CTNND2: variants seen among roughly 807,000 people sequenced by gnomAD.
CTNND2 encodes catenin delta-2.
In CTNND2, 22 loss-of-function variants were observed where a neutral mutation model predicts 144.4. That is an observed-to-expected ratio of 0.15 (90% confidence interval 0.11 to 0.22). CTNND2 has a LOEUF of 0.22. Ranked by LOEUF, CTNND2 falls within the 10% of genes least tolerant of loss-of-function variation. The pLI is 1.00. For missense variants in CTNND2, 1,353 were observed against 1,618.8 expected (o/e 0.84, Z 2.82); for synonymous variants, 751 against 695.6 (o/e 1.08, Z -1.25).
At chr5:11,320,066 G>T (rs761808302) in intron 9 of CTNND2, among the ~76,000 whole-genome samples, 3 of 152,162 alleles carry the variant, frequency 2.0e-5, no homozygotes, top group African/African-American at 4.8e-5. Context: ...CAGCGGTTCT[G>T]ACCATTCTGC....
At chr5:11,204,790 C>T (rs926386609) in intron 10 of CTNND2, among the ~76,000 whole-genome samples, 3 of 151,976 alleles carry the variant, frequency 2.0e-5, no homozygotes. Context: ...CAATAGAATT[C>T]CTCTCGGGAG....
At chr5:11,030,754 G>GTTTTT (rs61312361) in intron 16 of CTNND2, among the ~76,000 whole-genome samples, 4 of 100,758 alleles carry the variant, frequency 4.0e-5, no homozygotes, top group East Asian at 3.4e-4. Flanking sequence ...TATGGTTTCT[G>GTTTTT]TTTTTTTTTT....
intron 3 of CTNND2, among the ~76,000 whole-genome samples, chr5:11,518,537 C>T (rs1265918886): frequency 6.6e-6 from 1 of 152,206 alleles, no homozygotes; most frequent in Admixed American, 6.5e-5. Flanking sequence ...CCTAGGCCTT[C>T]ACATTCACTC....
intron 1 of CTNND2, among the ~76,000 whole-genome samples, chr5:11,838,591 T>A (rs13361394): frequency 0.032 from 4,828 of 152,248 alleles, 256 homozygotes; most frequent in African/African-American, 0.11. Flanking sequence ...CTACTTAAAG[T>A]TCTACATTTT....
At chr5:11,008,959 T>C (rs961359016) in intron 18 of CTNND2, among the ~76,000 whole-genome samples, 6 of 152,240 alleles carry the variant, frequency 3.9e-5, no homozygotes, top group African/African-American at 1.4e-4. Context: ...GAACTGACCA[T>C]GGAGCCATGA....
intron 3 of CTNND2, among the ~76,000 whole-genome samples, chr5:11,543,065 G>A (rs753775840): frequency 6.6e-6 from 1 of 152,242 alleles, no homozygotes; most frequent in Non-Finnish European, 1.5e-5. Context: ...TGCAGGTTAA[G>A]TGGAATCAAC....
At position 11,397,056 on chromosome 5, in the gene CTNND2, C is replaced by G; in HGVS notation, c.587G>C (p.Arg196Pro). 1 of 1,613,726 alleles carries G rather than the reference C, an allele frequency of 6.2e-7. No individual in the cohort carries two copies. The highest frequency in any genetic ancestry group is 8.5e-7 in the Non-Finnish European group (1 of 1,179,998). Residue 196 changes from arginine to proline, a missense_variant, in exon 6 of 22, where the codon CGA becomes CCA. Arg to Pro is a moderately radical substitution (Grantham distance 103). Coordinates refer to ENST00000304623, the MANE Select transcript of CTNND2 (RefSeq NM_001332.4). The stretch of plus-strand genomic sequence containing the variant: ...CTGGCTGAAGCTCTGGCCCGTAGCT[C>G]GGGCTTGTGTGCCTCGGGCCGGGAG... ...SQLPARGTQA[R>P]ATGQSFSQGT...
chr5:11,778,337 G>A (rs1008716196), intron 1 of CTNND2, among the ~76,000 whole-genome samples: 2 of 152,024 alleles, frequency 1.3e-5, no homozygotes, highest in East Asian at 3.9e-4. Flanking sequence ...GTGCGGGGAA[G>A]AAGACAGGTG....
chr5:11,731,024 G>A (rs1787359819), intron 2 of CTNND2, among the ~76,000 whole-genome samples: 1 of 152,142 alleles, frequency 6.6e-6, no homozygotes, highest in Non-Finnish European at 1.5e-5. Context: ...TCTCAAGAGT[G>A]AGCTTTGGAA....
At chr5:11,707,141 A>T (rs1157308980) in intron 2 of CTNND2, among the ~76,000 whole-genome samples, 4 of 152,078 alleles carry the variant, frequency 2.6e-5, no homozygotes, top group Admixed American at 2.0e-4. Flanking sequence ...GACTTTTGAC[A>T]ACGTGTGACT....
intron 2 of CTNND2, among the ~76,000 whole-genome samples, chr5:11,717,054 G>C (rs113805143): frequency 6.6e-6 from 1 of 151,458 alleles, no homozygotes; most frequent in Non-Finnish European, 1.5e-5. Flanking sequence ...TTTTAGTAAA[G>C]ACGGGGTTTC....
chr5:11,723,388 T>C (rs1786796523), intron 2 of CTNND2, among the ~76,000 whole-genome samples: 1 of 152,104 alleles, frequency 6.6e-6, no homozygotes, highest in Admixed American at 6.6e-5. Flanking sequence ...AAAATTGCAA[T>C]TTGGGGGCCT....
rs76826472 is a variant in CTNND2, at chr5:10,995,661, C to T, written c.3085-2984G>A. Among the ~76,000 whole-genome samples, 592 of 152,114 alleles carry T rather than the reference C, an allele frequency of 3.9e-3. 4 individuals carry two copies. The highest frequency in any genetic ancestry group is 0.013 in the African/African-American group (558 of 41,462). On this transcript the variant is annotated intron_variant, in intron 18 of 21. Coordinates refer to ENST00000304623, the MANE Select transcript of CTNND2 (RefSeq NM_001332.4). ...TCACCTAGAAGATATTGCAGTATTT[C>T]GTGTGCTGATGGGAATGACTGAATG...
At chr5:11,631,519 A>C (rs1175780935) in intron 2 of CTNND2, among the ~76,000 whole-genome samples, 12 of 146,302 alleles carry the variant, frequency 8.2e-5, no homozygotes, top group African/African-American at 3.1e-4. Context: ...TCAATGTGAG[A>C]GAAGCTGTAC....
At chr5:11,828,576 C>G (rs979171386) in intron 1 of CTNND2, among the ~76,000 whole-genome samples, 1 of 152,164 alleles carries the variant, frequency 6.6e-6, no homozygotes, top group African/African-American at 2.4e-5. Context: ...CCCACAAGCT[C>G]TCTCTGACTG....
intron 3 of CTNND2, among the ~76,000 whole-genome samples, chr5:11,562,048 CA>C (rs879380835): frequency 5.5e-5 from 8 of 144,902 alleles, no homozygotes; most frequent in East Asian, 4.0e-4. Context: ...GACTACATCT[CA>C]AAAAAAAAAG....
chr5:11,765,193 AAG>A (rs1246786451), intron 1 of CTNND2, among the ~76,000 whole-genome samples: 1 of 152,248 alleles, frequency 6.6e-6, no homozygotes, highest in Non-Finnish European at 1.5e-5. Flanking sequence ...CAGATGAATT[AAG>A]AGAGAGTCTC....
intron 1 of CTNND2, among the ~76,000 whole-genome samples, chr5:11,837,019 T>C (rs1020256409): frequency 5.9e-5 from 9 of 152,170 alleles, no homozygotes; most frequent in African/African-American, 1.7e-4. Context: ...CAGAAGGGGA[T>C]GTAGTTTCAA....
chr5:11,136,146 G>A lies in CTNND2; in HGVS notation c.2160-18579C>T, dbSNP rs57046830. 4.2e-3 allele frequency among the ~76,000 whole-genome samples: 632 copies of A among 152,256 alleles called. 7 individuals carry two copies. The highest frequency in any genetic ancestry group is 0.013 in the African/African-American group (542 of 41,536). On this transcript the variant is annotated intron_variant, in intron 12 of 21. Coordinates refer to ENST00000304623, the MANE Select transcript of CTNND2 (RefSeq NM_001332.4). Reference sequence around the variant, plus strand: ...GCAGCCCTCAGCAGATCTTGAAGCCGCTGATGCCTTGATCTTGGACTTCCC... The same window carrying A: ...GCAGCCCTCAGCAGATCTTGAAGCCACTGATGCCTTGATCTTGGACTTCCC...
Sources: allele counts gnomAD v4.1 joint callset (sites outside exome capture counted in the v4.1 genomes callset), GRCh38; gene constraint gnomAD v4.1.1; transcripts MANE v1.5; gene names NCBI Gene and HGNC (gene_info 2026-07-23, HGNC 2026-07-21).